NFRKB: variants seen among roughly 807,000 people sequenced by gnomAD.
NFRKB encodes the protein nuclear factor related to kappaB binding protein.
In NFRKB, 62 loss-of-function variants were observed where a neutral mutation model predicts 135.7. That is an observed-to-expected ratio of 0.46 (90% CI 0.37 to 0.56). The LOEUF is 0.56. Among genes scored for constraint, NFRKB ranks in the 20% least tolerant of loss-of-function variants. The pLI, the probability that NFRKB is intolerant of heterozygous loss-of-function variation, is 0.00. For missense variants in NFRKB, 1,545 were observed against 1,662.0 expected (o/e 0.93, Z 1.22); for synonymous variants, 678 against 635.6 (o/e 1.07, Z -1.00).
At position 129,884,062 on chromosome 11, in the gene NFRKB, C is replaced by T. The variant is rs1176763929; in HGVS notation, c.816+8G>A. 6.2e-7 allele frequency: 1 copy of T among 1,614,172 alleles called. No homozygotes were observed. Among genetic ancestry groups the T allele is most frequent in the East Asian group, 2.2e-5 (1 of 44,888 alleles). On this transcript the variant is annotated splice_region_variant and intron_variant, in intron 8 of 26. Transcript: ENST00000682444. ...AAACCACACGGCCGCACGCCCTTCC[C>T]ATCTTACTGGCTGATGTTTCCGCTT...
At chr11:129,883,028 A>G (rs1472421345) in intron 9 of NFRKB, 94 bp downstream of exon 9, 71 of 1,099,512 alleles carry the variant, frequency 6.5e-5, no homozygotes, top group East Asian at 3.3e-4. Context: ...AGCATGAGAG[A>G]GGCCATGGTT....
At chr11:129,867,648 G>T (rs773283658) in intron 24 of NFRKB, among the ~76,000 whole-genome samples, 1 of 152,142 alleles carries the variant, frequency 6.6e-6, no homozygotes, top group Non-Finnish European at 1.5e-5. Context: ...ACTATGTTAA[G>T]ATTTTCTGTT....
At position 129,865,886 on chromosome 11, in the gene NFRKB, A is replaced by C. The variant is rs1948166504; in HGVS notation, c.3629T>G (p.Leu1210Arg). The change falls in exon 25 of 27, where the codon CTT becomes CGT. Residue 1210 changes from leucine to arginine, a missense_variant. Transcript: ENST00000682444. The stretch of plus-strand genomic sequence containing the variant: ...ATGACATAGTACTTACTTGGCTCCA[A>C]GGTTGCCTTTGATGATGGGGGCTGT... ...VVTAPIIKGN[L>R]GANLSGLGRN... is the part of the protein sequence containing the mutation. 1 of 1,614,076 alleles carries C rather than the reference A, an allele frequency of 6.2e-7. No individual in the cohort carries two copies. The highest frequency in any genetic ancestry group is 1.3e-5 in the African/African-American group (1 of 75,034).
intron 3 of NFRKB, among the ~76,000 whole-genome samples, chr11:129,891,914 T>C (rs1211740535): frequency 3.3e-5 from 5 of 152,170 alleles, no homozygotes; most frequent in African/African-American, 4.8e-5. Context: ...AGTAAGACAC[T>C]GGGTCAGGGA....
chr11:129,884,724 C>T, intron 7 of NFRKB, 21 bp downstream of exon 7: 1 of 1,612,844 alleles, frequency 6.2e-7, no homozygotes, highest in Non-Finnish European at 8.5e-7. Context: ...AGAATGGTGA[C>T]AGCGGCAGCT....
rs765864107 is a variant in NFRKB, at chr11:129,881,843, C to T, written c.1202G>A (p.Arg401Gln). The T allele has an allele frequency of 1.3e-5, 21 of 1,606,638 alleles. No homozygotes were observed. In the Admixed American group the frequency reaches 1.9e-4, roughly 14 times the overall value. Reference protein sequence around the residue: ...SQASLPMLEERVLDWQSSPAS... With the variant: ...SQASLPMLEEQVLDWQSSPAS... ...TGGCGATGACTGCCAATCCAAAACT[C>T]GCTCCTCTAGCTGAGGGAAAGCAAA... The change falls in exon 12 of 27, where the codon CGA (arginine) becomes CAA (glutamine). Residue 401 changes from arginine (R) to glutamine (Q), a missense_variant. By Grantham distance (43) the Arg-to-Gln change is conservative. This residue lies in a region of NFRKB where 678 missense variants were observed against 646.7 expected (regional missense o/e 1.05). Coordinates refer to ENST00000682444, the MANE Select transcript of NFRKB (RefSeq NM_001143835.2).
chr11:129,878,603 G>T, intron 13 of NFRKB, 60 bp from the exon 14 acceptor site: 1 of 1,373,094 alleles, frequency 7.3e-7, no homozygotes, highest in Non-Finnish European at 1.0e-6. Flanking sequence ...TGAGAATCCT[G>T]CTTTCTCTTT....
At chr11:129,865,386 T>C in intron 25 of NFRKB, among the ~76,000 whole-genome samples, 1 of 152,172 alleles carries the variant, frequency 6.6e-6, no homozygotes, top group East Asian at 1.9e-4. Flanking sequence ...CAGAGAGGTG[T>C]GCACTTCTGC....
rs752466541 is a variant in NFRKB at position 129,883,196 on chromosome 11, T to C, written c.827A>G (p.Asp276Gly). 8 of 1,613,994 alleles carry C rather than the reference T, an allele frequency of 5.0e-6. No individual in the cohort carries two copies. Among genetic ancestry groups the C allele is most frequent in the East Asian group, 4.5e-5 (2 of 44,878 alleles). ...EKRKHQPDHP[D>G]LLTGDLTLND... ...GAGAGTCAGGTCCCCTGTCAAAAGGTCCGGGTGATCCTAGATGTGATATCC... is the reference window on the plus strand; with the variant it reads ...GAGAGTCAGGTCCCCTGTCAAAAGGCCCGGGTGATCCTAGATGTGATATCC... The change falls in exon 9 of 27, where the codon GAC becomes GGC. Residue 276 changes from aspartate to glycine, a missense_variant. By Grantham distance (94) the Asp-to-Gly change is moderately conservative (BLOSUM62 -1). Transcript: ENST00000682444.
chr11:129,890,687 A>G (rs550185898), intron 3 of NFRKB, among the ~76,000 whole-genome samples: 1 of 152,368 alleles, frequency 6.6e-6, no homozygotes, highest in African/African-American at 2.4e-5. Flanking sequence ...GTTTTCACGT[A>G]CATAGTGGCT....
chr11:129,882,361 T>C, intron 10 of NFRKB, 90 bp downstream of exon 10: 1 of 1,466,372 alleles, frequency 6.8e-7, no homozygotes, highest in Admixed American at 2.2e-5. Context: ...TCCAACATAC[T>C]TACAGCTACG....
chr11:129,886,607 C>T (rs554556583), intron 4 of NFRKB, among the ~76,000 whole-genome samples, 163 bp from the exon 5 acceptor site: 14 of 152,226 alleles, frequency 9.2e-5, no homozygotes, highest in South Asian at 2.1e-4. Flanking sequence ...AAAGTAAAAG[C>T]GTGCTGAGAA....
chr11:129,865,158 A>G (rs1278095004), intron 25 of NFRKB, 57 bp from the exon 26 acceptor site: 3 of 1,574,360 alleles, frequency 1.9e-6, no homozygotes. Flanking sequence ...TCTCTGGCCC[A>G]GATTTAGGCC....
At chr11:129,865,772 G>A in intron 25 of NFRKB, 105 bp downstream of exon 25, 2 of 886,094 alleles carry the variant, frequency 2.3e-6, no homozygotes, top group Non-Finnish European at 3.7e-6. Flanking sequence ...TCAAAGAAGG[G>A]CCCCAGAAAG....
intron 8 of NFRKB, 45 bp from the exon 9 acceptor site, chr11:129,883,251 G>C (rs1565414725): frequency 1.3e-6 from 2 of 1,525,300 alleles, no homozygotes; most frequent in East Asian, 4.5e-5. Context: ...CCAAAAAGGA[G>C]CAAAAACTGA....
At chr11:129,883,971 C>T in intron 8 of NFRKB, 99 bp downstream of exon 8, 2 of 1,212,206 alleles carry the variant, frequency 1.6e-6, no homozygotes, top group Non-Finnish European at 2.5e-6. Flanking sequence ...GTAGGGAGGA[C>T]ATACAGACGA....
Position 129,876,725 on chromosome 11 carries a change from A to T in NFRKB, c.1743T>A (p.Ser581=). 1 of 1,612,636 alleles carries T rather than the reference A, an allele frequency of 6.2e-7. No homozygotes were observed. Among genetic ancestry groups the T allele is most frequent in the Non-Finnish European group, 8.5e-7 (1 of 1,179,280 alleles). ...SDRPAYVTIL[S]LVRDAAARLP... is the part of the protein sequence containing the mutation. ...TAATCGACACGTGCCACCTACCAAG[A>T]GACAGAATGGTGACGTAGGCAGGCC... Residue 581 remains serine, a synonymous_variant, in exon 17 of 27, where the codon TCT becomes TCA. Transcript: ENST00000682444.
Position 129,892,803 on chromosome 11 carries a change from G to C in NFRKB, c.47C>G (p.Pro16Arg). 6.2e-7 allele frequency: 1 copy of C among 1,614,152 alleles called. No homozygotes were observed. The highest frequency in any genetic ancestry group is 8.5e-7 in the Non-Finnish European group (1 of 1,180,028). The change falls in exon 3 of 27, where the codon CCG (proline) becomes CGG (arginine). Residue 16 changes from proline (P) to arginine (R), a missense_variant. Physicochemically the swap from Pro to Arg is moderately radical, Grantham distance 103. Coordinates refer to ENST00000682444, the MANE Select transcript of NFRKB (RefSeq NM_001143835.2). ...GCGCGTGCCATGGCCATCTCCACAC[G>C]GACCAAGTTCCAGAGGATCTGTCAG... ...HMLTDPLELG[P>R]CGDGHGTRIM...
rs187563622 is a variant in NFRKB at position 129,867,518 on chromosome 11, T to C, written c.3532-1535A>G. Among the ~76,000 whole-genome samples the C allele has an allele frequency of 1.7e-3, 257 of 152,222 alleles. 1 individual carries two copies. Among genetic ancestry groups the C allele is most frequent in the African/African-American group, 5.8e-3 (242 of 41,534 alleles). On this transcript the variant is annotated intron_variant, in intron 24 of 26. Transcript: ENST00000682444. ...TTCTGGTAGGGACGGGGTTTCACCA[T>C]GTTGGCCAGGCTGGTCTCGAACTCC...
Sources: gnomAD v4.1 joint callset for allele counts (sites outside exome capture counted in the v4.1 genomes callset) on GRCh38, gnomAD v4.1.1 for gene constraint, gnomAD v4.1.1 regional missense constraint, MANE v1.5 for transcripts, NCBI Gene and HGNC (gene_info 2026-07-23, HGNC 2026-07-21) for gene names.